Variants in INPP5B observed in about 807,000 individuals in gnomAD.
The protein encoded by INPP5B is type II inositol 1,4,5-trisphosphate 5-phosphatase.
INPP5B carries 90 observed loss-of-function variants against 118.5 expected under a neutral mutation model. That is an observed-to-expected ratio of 0.76 (90% CI 0.64 to 0.90). The LOEUF is 0.90. Among genes scored for constraint, INPP5B ranks in the 40% least tolerant of loss-of-function variants. The pLI, the probability that INPP5B is intolerant of heterozygous loss-of-function variation, is 0.00. For synonymous variants in INPP5B, 385 were observed against 418.9 expected (o/e 0.92, Z 0.99); for missense variants, 984 against 1,125.6 (o/e 0.87, Z 1.80).
intron 7 of INPP5B, among the ~76,000 whole-genome samples, chr1:37,919,884 G>A (rs1255364322): frequency 2.6e-5 from 4 of 152,148 alleles, no homozygotes; most frequent in African/African-American, 4.8e-5. Flanking sequence ...AGAGGTTGCA[G>A]TGAGCCAAGA....
rs563127514 is a variant in INPP5B, at chr1:37,901,992, A to T, written c.533-10538T>A. Among the ~76,000 whole-genome samples the T allele has an allele frequency of 4.2e-4, 62 of 148,434 alleles. 2 individuals carry two copies. In the East Asian group the frequency reaches 9.9e-3, roughly 24 times the overall value. ...CCAAGTCTTATGAATCCTCTATTAA[A>T]TTTTTTTTTTTTGAGGCAGAGTCTT... On this transcript the variant is annotated intron_variant, in intron 7 of 23. Transcript: ENST00000373024.
chr1:37,939,370 A>C (rs926700604), intron 6 of INPP5B, among the ~76,000 whole-genome samples: 1 of 151,924 alleles, frequency 6.6e-6, no homozygotes, highest in African/African-American at 2.4e-5. Context: ...GTCTCAAAAA[A>C]ATAAATAAAA....
intron 19 of INPP5B, 28 bp downstream of exon 19, chr1:37,872,902 A>T: frequency 6.5e-7 from 1 of 1,536,318 alleles, no homozygotes; most frequent in Admixed American, 1.7e-5. Flanking sequence ...ACAAAGTTCT[A>T]GATGTTTCTT....
In INPP5B at chr1:37,869,350, G is replaced by C. The variant is rs116181130; in HGVS notation, c.2188-736C>G. Among the ~76,000 whole-genome samples the C allele has an allele frequency of 5.4e-3, 819 of 151,464 alleles. 4 individuals carry two copies. Among genetic ancestry groups the C allele is most frequent in the African/African-American group, 0.019 (792 of 41,238 alleles). On this transcript the variant is annotated intron_variant, in intron 19 of 23. Coordinates refer to ENST00000373024, the MANE Select transcript of INPP5B (RefSeq NM_005540.3). ...TTTTGAGGTGGGGTCTCGCTATGCT[G>C]CCCAGGCTGGTCTTGAACACTTGGA...
At chr1:37,906,702 A>T (rs998185708) in intron 7 of INPP5B, among the ~76,000 whole-genome samples, 27 of 151,994 alleles carry the variant, frequency 1.8e-4, no homozygotes, top group African/African-American at 6.0e-4. Context: ...TTAAAAAAAA[A>T]TACAAAAATT....
intron 7 of INPP5B, among the ~76,000 whole-genome samples, chr1:37,911,046 C>T (rs111704458): frequency 3.3e-5 from 5 of 152,244 alleles, no homozygotes; most frequent in African/African-American, 7.2e-5. Context: ...GCTGTGTGGT[C>T]GGAATTCTTA....
chr1:37,889,735 A>C lies in INPP5B; in HGVS notation c.630-11T>G, dbSNP rs1483856070. The C allele has an allele frequency of 6.2e-7, 1 of 1,600,562 alleles. No individual in the cohort carries two copies. Among genetic ancestry groups the C allele is most frequent in the African/African-American group, 1.3e-5 (1 of 74,374 alleles). ...TTGGATTTATTCTGTCTGGAAAAAC[A>C]GAAGTATTTTTTTCATATGTGGATG... On this transcript the variant is annotated splice_polypyrimidine_tract_variant and intron_variant, in intron 8 of 23. Transcript: ENST00000373024.
chr1:37,910,340 G>T (rs1359990882), intron 7 of INPP5B, among the ~76,000 whole-genome samples: 1 of 152,162 alleles, frequency 6.6e-6, no homozygotes, highest in East Asian at 1.9e-4. Flanking sequence ...CCCAACTCTG[G>T]TGCCAACTTG....
At chr1:37,885,382 C>A in intron 13 of INPP5B, 1 of 329,018 alleles carries the variant, frequency 3.0e-6, no homozygotes, top group Non-Finnish European at 5.7e-6. Context: ...CCACTGTACT[C>A]CAGCCTAGGC....
chr1:37,873,211 A>G (rs749508193), intron 18 of INPP5B, 46 bp from the exon 19 acceptor site: 2 of 1,387,484 alleles, frequency 1.4e-6, no homozygotes, highest in Non-Finnish European at 2.1e-6. Context: ...GCAGGCCAAG[A>G]GGAAAGGGGA....
intron 6 of INPP5B, among the ~76,000 whole-genome samples, chr1:37,937,494 C>T (rs1645739697): frequency 6.6e-6 from 1 of 151,344 alleles, no homozygotes; most frequent in South Asian, 2.1e-4. Context: ...TGGCCAGGGA[C>T]AGTCGCTCAC....
intron 23 of INPP5B, 48 bp from the exon 24 acceptor site, chr1:37,862,478 T>G (rs768157672): frequency 1.2e-5 from 14 of 1,165,808 alleles, no homozygotes; most frequent in Non-Finnish European, 1.5e-5. Flanking sequence ...AAGAAGGTAC[T>G]AAAGACACAC....
intron 6 of INPP5B, among the ~76,000 whole-genome samples, chr1:37,940,026 G>A (rs575763728): frequency 4.6e-5 from 7 of 152,148 alleles, no homozygotes; most frequent in Non-Finnish European, 8.8e-5. Context: ...CAAGACCACA[G>A]AGAAGACCAG....
At chr1:37,879,263 T>C (rs1467843036) in intron 15 of INPP5B, among the ~76,000 whole-genome samples, 3 of 147,550 alleles carry the variant, frequency 2.0e-5, no homozygotes, top group Non-Finnish European at 3.0e-5. Flanking sequence ...AGAGTGAGAC[T>C]CCGTCTCAAA....
At chr1:37,887,171 C>T (rs1434521589) in intron 11 of INPP5B, among the ~76,000 whole-genome samples, 167 bp from the exon 12 acceptor site, 1 of 152,130 alleles carries the variant, frequency 6.6e-6, no homozygotes, top group African/African-American at 2.4e-5. Context: ...TGCTAACCTA[C>T]GAGTGGCGAG....
chr1:37,922,963 T>C (rs1024844577), intron 7 of INPP5B, among the ~76,000 whole-genome samples: 3 of 152,156 alleles, frequency 2.0e-5, no homozygotes, highest in Non-Finnish European at 2.9e-5. Context: ...TTCCCTTCAG[T>C]GGGCCTTCTG....
chr1:37,910,251 T>C (rs918255363), intron 7 of INPP5B, among the ~76,000 whole-genome samples: 1 of 152,162 alleles, frequency 6.6e-6, no homozygotes, highest in African/African-American at 2.4e-5. Context: ...CACATTACCT[T>C]CTTTCCAAGG....
chr1:37,933,070 A>G (rs931093879), intron 6 of INPP5B, among the ~76,000 whole-genome samples: 1 of 152,220 alleles, frequency 6.6e-6, no homozygotes, highest in Non-Finnish European at 1.5e-5. Flanking sequence ...GTGCAAGGAC[A>G]TGATATATGA....
intron 6 of INPP5B, among the ~76,000 whole-genome samples, chr1:37,934,614 C>CA (rs1184698496): frequency 6.6e-6 from 1 of 152,132 alleles, no homozygotes; most frequent in Admixed American, 6.5e-5. Context: ...AAGAGTCTGT[C>CA]AATACTGAGA....
Sources: allele counts gnomAD v4.1 joint callset (sites outside exome capture counted in the v4.1 genomes callset), GRCh38; gene constraint gnomAD v4.1.1; transcripts MANE v1.5; gene names NCBI Gene and HGNC (gene_info 2026-07-23, HGNC 2026-07-21).